Variants in EHD2 observed in about 807,000 individuals in gnomAD.
EHD2 encodes the protein EH domain containing 2.
A neutral mutation model predicts 41.0 loss-of-function variants in EHD2; 27 were observed. The ratio of observed to expected loss-of-function variants is 0.66; its 90% CI spans 0.49 to 0.91. EHD2 has a LOEUF of 0.91. Ranked by LOEUF, EHD2 falls within the 40% of genes least tolerant of loss-of-function variation. EHD2 has a pLI of 0.00. For synonymous variants in EHD2, 342 were observed against 341.0 expected, an observed-to-expected ratio of 1.00 and a Z score of -0.03; for missense variants, 673 against 773.9, an observed-to-expected ratio of 0.87 and a Z score of 1.55.
chr19:47,731,020 T>G (rs1304634327), intron 4 of EHD2, among the ~76,000 whole-genome samples: 1 of 151,440 alleles, frequency 6.6e-6, no homozygotes, highest in Non-Finnish European at 1.5e-5. Flanking sequence ...AGGGACTATT[T>G]TAGAGCGCTC....
At chr19:47,730,072 G>A (rs1973792412) in intron 4 of EHD2, among the ~76,000 whole-genome samples, 1 of 152,024 alleles carries the variant, frequency 6.6e-6, no homozygotes, top group Non-Finnish European at 1.5e-5. Flanking sequence ...GGGACAGAGG[G>A]GTGGGTCCGG....
rs563211729 is a variant in EHD2, at chr19:47,741,473, C to T, written c.*41C>T. The T allele has an allele frequency of 4.6e-5, 71 of 1,529,634 alleles. 1 individual carries two copies. In the African/African-American group the frequency reaches 7.5e-4, roughly 16 times the overall value. 94.8% of individuals were successfully genotyped at this position (1,529,634 alleles called of 1,614,324 possible). ...ATGGCCCTGCTGTGGCTCCCCAGCT[C>T]CAGTCGGCTGCACGCACACCCCTGC... On this transcript the variant is annotated 3_prime_UTR_variant, in exon 6 of 6. Coordinates refer to ENST00000263277, the MANE Select transcript of EHD2 (RefSeq NM_014601.4). This position sits in a 1 kb window ranked among gnomAD's most constrained non-coding sequence, Gnocchi z 4.5.
At chr19:47,726,361 T>C in intron 4 of EHD2, 137 bp downstream of exon 4, 1 of 1,072,618 alleles carries the variant, frequency 9.3e-7, no homozygotes, top group Non-Finnish European at 1.3e-6. Flanking sequence ...TGGCACAGAG[T>C]GAAGCCGGGA....
chr19:47,719,846 C>A lies in EHD2; in HGVS notation c.502+1240C>A, dbSNP rs1271266076. On this transcript the variant is annotated intron_variant, in intron 3 of 5. Coordinates refer to ENST00000263277, the MANE Select transcript of EHD2 (RefSeq NM_014601.4). This position sits in a 1 kb window ranked among gnomAD's most constrained non-coding sequence, Gnocchi z 4.1. ...GGGCAGGGGTGCCGGCAGGGGGGTT[C>A]AAAGGCCATGGGTGGTGGGGGAGTG... Among the ~76,000 whole-genome samples, 1 of 151,398 alleles carries A rather than the reference C, an allele frequency of 6.6e-6. No homozygotes were observed. Among genetic ancestry groups the A allele is most frequent in the African/African-American group, 2.4e-5 (1 of 41,158 alleles).
At chr19:47,720,855 G>A (rs1207643493) in intron 3 of EHD2, among the ~76,000 whole-genome samples, 2 of 152,108 alleles carry the variant, frequency 1.3e-5, no homozygotes, top group African/African-American at 4.8e-5. Flanking sequence ...GTGAGAATGT[G>A]TGTGTGTGCA....
intron 4 of EHD2, among the ~76,000 whole-genome samples, chr19:47,734,889 C>T (rs966658732): frequency 3.3e-5 from 5 of 151,836 alleles, no homozygotes; most frequent in Admixed American, 3.3e-4. Context: ...CCAGTCTCTA[C>T]TAAACATACA....
intron 5 of EHD2, among the ~76,000 whole-genome samples, chr19:47,737,422 C>T (rs191197256): frequency 0.013 from 1,947 of 151,774 alleles, 27 homozygotes; most frequent in Non-Finnish European, 0.02. Context: ...TGTGGGAGGC[C>T]AAGGCGGGTG....
chr19:47,732,764 C>A (rs965580101), intron 4 of EHD2, among the ~76,000 whole-genome samples: 10 of 152,064 alleles, frequency 6.6e-5, no homozygotes, highest in Non-Finnish European at 1.3e-4. Context: ...CATTATTCTG[C>A]TCTCCTTGTT....
In EHD2 at chr19:47,741,127, G is replaced by C; in HGVS notation, c.1327G>C (p.Glu443Gln). ...CGAGGAGGGCTCGGACGACGAGGCC[G>C]AGTGGGTGGTGACCAAGGACAAGTC... ...DGEEGSDDEA[E>Q]WVVTKDKSKY... is the part of the protein sequence containing the mutation. The change falls in exon 6 of 6, where the codon GAG becomes CAG. Residue 443 changes from glutamate to glutamine, a missense_variant. Physicochemically the swap from Glu to Gln is conservative, Grantham distance 29. Transcript: ENST00000263277. This position sits in a 1 kb window ranked among gnomAD's most constrained non-coding sequence, Gnocchi z 4.5. 1 of 1,611,656 alleles carries C rather than the reference G, an allele frequency of 6.2e-7. No individual in the cohort carries two copies.
chr19:47,719,231 C>T lies in EHD2; in HGVS notation c.502+625C>T, dbSNP rs951665887. Among the ~76,000 whole-genome samples, 3 of 152,010 alleles carry T rather than the reference C, an allele frequency of 2.0e-5. No homozygotes were observed. Among genetic ancestry groups the T allele is most frequent in the Non-Finnish European group, 2.9e-5 (2 of 68,006 alleles). ...CAGGGATTCCGAGGCAGTGAGACAG[C>T]GACGCAGGGAGACACAAGGCCTGGA... On this transcript the variant is annotated intron_variant, in intron 3 of 5. Coordinates refer to ENST00000263277, the MANE Select transcript of EHD2 (RefSeq NM_014601.4). The surrounding 1 kb of genome is among the most constrained non-coding windows in gnomAD (Gnocchi z 4.1).
chr19:47,722,718 A>G (rs563549495), intron 3 of EHD2, among the ~76,000 whole-genome samples: 24 of 152,070 alleles, frequency 1.6e-4, no homozygotes, highest in African/African-American at 4.8e-4. Flanking sequence ...GGTGCCCACC[A>G]CCACACCCAG....
At position 47,719,267 on chromosome 19, in the gene EHD2, A is replaced by G. The variant is rs1456010454; in HGVS notation, c.502+661A>G. On this transcript the variant is annotated intron_variant, in intron 3 of 5. Transcript: ENST00000263277. The surrounding 1 kb of genome is among the most constrained non-coding windows in gnomAD (Gnocchi z 4.1). ...GACACAAGGCCTGGAGATGAGGCAG[A>G]GCCTGGGCAGGGGAGGCAGAGCCCG... 6.6e-6 allele frequency among the ~76,000 whole-genome samples: 1 copy of G among 151,954 alleles called. No homozygotes were observed. Among genetic ancestry groups the G allele is most frequent in the East Asian group, 1.9e-4 (1 of 5,152 alleles).
Position 47,719,655 on chromosome 19 carries a change from G to C in EHD2, c.502+1049G>C, listed in dbSNP as rs1599888016. ...CTGGGGTGGGGTGGGGACGCTGGGG[G>C]TGACCATGTCTCTGGCTGCCGTCCA... On this transcript the variant is annotated intron_variant, in intron 3 of 5. Transcript: ENST00000263277. The surrounding 1 kb of genome is among the most constrained non-coding windows in gnomAD (Gnocchi z 4.1). 6.6e-6 allele frequency among the ~76,000 whole-genome samples: 1 copy of C among 152,146 alleles called. No homozygotes were observed.
chr19:47,722,186 G>T (rs181423599), intron 3 of EHD2, among the ~76,000 whole-genome samples: 87 of 152,302 alleles, frequency 5.7e-4, no homozygotes, highest in Non-Finnish European at 1.0e-3. Context: ...AACAATGCCT[G>T]TTTTCGCTGG....
intron 3 of EHD2, among the ~76,000 whole-genome samples, chr19:47,720,327 C>T (rs1451264759): frequency 2.6e-5 from 4 of 152,086 alleles, no homozygotes; most frequent in South Asian, 2.1e-4. Flanking sequence ...CACCCATGTC[C>T]GGCTAATTTT....
At chr19:47,725,704 C>T in intron 3 of EHD2, 108 bp from the exon 4 acceptor site, 30 of 1,402,958 alleles carry the variant, frequency 2.1e-5, no homozygotes, top group Non-Finnish European at 2.9e-5. Flanking sequence ...ACAACGTGAA[C>T]ATCTTTACAG....
intron 4 of EHD2, among the ~76,000 whole-genome samples, chr19:47,726,686 CT>C (rs1338104733): frequency 2.6e-5 from 4 of 151,510 alleles, no homozygotes; most frequent in African/African-American, 9.7e-5. Flanking sequence ...CTTCTTCCTT[CT>C]TTTTTAAGAG....
intron 4 of EHD2, among the ~76,000 whole-genome samples, chr19:47,728,840 G>A (rs1568591014): frequency 6.6e-6 from 1 of 152,220 alleles, no homozygotes; most frequent in Non-Finnish European, 1.5e-5. Context: ...AAAGTGCTGG[G>A]ATTACAGGCG....
At position 47,721,402 on chromosome 19, in the gene EHD2, C is replaced by T. The variant is rs185071262; in HGVS notation, c.502+2796C>T. On this transcript the variant is annotated intron_variant, in intron 3 of 5. Transcript: ENST00000263277. ...CGACCTCGGCTCGCTGCAACCTCCGCCTCCTGGGTTCAAGCAATTCTCTGC... is the reference window on the plus strand; with the variant it reads ...CGACCTCGGCTCGCTGCAACCTCCGTCTCCTGGGTTCAAGCAATTCTCTGC... 3.5e-3 allele frequency among the ~76,000 whole-genome samples: 531 copies of T among 152,010 alleles called. 4 individuals carry two copies. The highest frequency in any genetic ancestry group is 0.012 in the African/African-American group (516 of 41,474).
Sources: gnomAD v4.1 joint callset for allele counts (sites outside exome capture counted in the v4.1 genomes callset) on GRCh38, gnomAD v4.1.1 for gene constraint, Gnocchi (gnomAD v3.1) non-coding constraint, MANE v1.5 for transcripts, NCBI Gene and HGNC (gene_info 2026-07-23, HGNC 2026-07-21) for gene names.